Variants in MSANTD5 observed in about 807,000 individuals in gnomAD.
MSANTD5 encodes uncharacterized protein MSANTD5.
the MSANTD5 span, among the ~76,000 whole-genome samples, chr5:178,705,053 CTTTT>C: frequency 6.8e-6 from 1 of 148,092 alleles, no homozygotes; most frequent in Admixed American, 6.7e-5. Flanking sequence ...TTCTTCTTTT[CTTTT>C]TTTTTTTTTG....
At chr5:178,705,507 G>A in the MSANTD5 span, among the ~76,000 whole-genome samples, 2,178 of 152,250 alleles carry the variant, frequency 0.014, 53 homozygotes, top group African/African-American at 0.05. Flanking sequence ...CTGATGATTA[G>A]CTTAAGGATT....
chr5:178,705,882 G>C, the MSANTD5 span, among the ~76,000 whole-genome samples: 1 of 151,578 alleles, frequency 6.6e-6, no homozygotes, highest in Non-Finnish European at 1.5e-5. Context: ...GCGTGAACCC[G>C]GGAGGCAGAG....
chr5:178,698,791 A>G (rs1201945608), upstream of MSANTD5, among the ~76,000 whole-genome samples: 1 of 126,242 alleles, frequency 7.9e-6, no homozygotes, highest in African/African-American at 3.2e-5. Flanking sequence ...GGGTCTCACT[A>G]CGTTGCTCAG....
downstream of MSANTD5, among the ~76,000 whole-genome samples, chr5:178,693,880 C>T (rs1008921846): frequency 1.3e-5 from 2 of 152,062 alleles, no homozygotes; most frequent in Non-Finnish European, 2.9e-5. Flanking sequence ...GGATTCACCT[C>T]TCAATGAGAC....
At chr5:178,699,862 C>A (rs1269833617), upstream of MSANTD5, among the ~76,000 whole-genome samples, 1 of 152,144 alleles carries the variant, frequency 6.6e-6, no homozygotes, top group African/African-American at 2.4e-5. Flanking sequence ...ATGCACCAAG[C>A]CTGTTTCTGT....
rs1258933366 is a variant in MSANTD5 at position 178,697,273 on chromosome 5, TG to T, written c.6+312del. Among the ~76,000 whole-genome samples, 5 of 149,908 alleles carry T rather than the reference TG, an allele frequency of 3.3e-5. No individual in the cohort carries two copies. In the South Asian group the frequency reaches 1.0e-3, roughly 31 times the overall value. On this transcript the variant is annotated intron_variant, in intron 1 of 3. Transcript: ENST00000648368. ...ATCGAGACCATCCTGGCTAACACGG[TG>T]AAACCCCGTCTCTACTAAAAATACA...
chr5:178,694,116 A>G (rs1337649139), downstream of MSANTD5, among the ~76,000 whole-genome samples: 1 of 151,886 alleles, frequency 6.6e-6, no homozygotes, highest in African/African-American at 2.4e-5. Flanking sequence ...CAGGAGTTCA[A>G]GACCAGCCTG....
chr5:178,705,603 C>T, the MSANTD5 span, among the ~76,000 whole-genome samples: 1 of 152,160 alleles, frequency 6.6e-6, no homozygotes, highest in Admixed American at 6.5e-5. Flanking sequence ...GGTGTGACTG[C>T]CTTCAACTTG....
At chr5:178,694,412 C>G (rs750581001), downstream of MSANTD5, among the ~76,000 whole-genome samples, 2 of 150,544 alleles carry the variant, frequency 1.3e-5, no homozygotes, top group Admixed American at 6.6e-5. Context: ...TTATCCCTTA[C>G]TACAAAGGAG....
chr5:178,693,924 CAG>C (rs1765382860), downstream of MSANTD5, among the ~76,000 whole-genome samples: 1 of 152,026 alleles, frequency 6.6e-6, no homozygotes, highest in African/African-American at 2.4e-5. Context: ...ACTTAACACA[CAG>C]TGATTATGCC....
chr5:178,703,849 C>T, the MSANTD5 span, among the ~76,000 whole-genome samples: 2 of 151,744 alleles, frequency 1.3e-5, no homozygotes, highest in Non-Finnish European at 2.9e-5. Flanking sequence ...GGCATGGTGG[C>T]GCGTGCCCAT....
At chr5:178,693,409 C>G (rs567269733), downstream of MSANTD5, among the ~76,000 whole-genome samples, 7 of 152,074 alleles carry the variant, frequency 4.6e-5, no homozygotes, top group African/African-American at 1.7e-4. Context: ...CGGTGAGTGT[C>G]ACAGCTCTTA....
chr5:178,702,022 C>T (rs1423402161), upstream of MSANTD5, among the ~76,000 whole-genome samples: 3 of 150,342 alleles, frequency 2.0e-5, no homozygotes, highest in South Asian at 2.1e-4. Flanking sequence ...CGTGAGCCAC[C>T]GCGCCCGGCC....
At chr5:178,703,496 T>C in the MSANTD5 span, among the ~76,000 whole-genome samples, 3 of 152,234 alleles carry the variant, frequency 2.0e-5, no homozygotes, top group Non-Finnish European at 4.4e-5. Context: ...AATTTCATCA[T>C]GGCTTGGAGC....
At chr5:178,702,896 C>T in the MSANTD5 span, among the ~76,000 whole-genome samples, 1 of 152,144 alleles carries the variant, frequency 6.6e-6, no homozygotes, top group African/African-American at 2.4e-5. Context: ...TGTGCCTGGC[C>T]CATGTCAATT....
At chr5:178,698,631 G>T (rs1182013796), upstream of MSANTD5, among the ~76,000 whole-genome samples, 1 of 152,054 alleles carries the variant, frequency 6.6e-6, no homozygotes, top group East Asian at 1.9e-4. Flanking sequence ...CCAGGCTGGG[G>T]TGCAGTGGCG....
upstream of MSANTD5, among the ~76,000 whole-genome samples, chr5:178,702,328 T>C (rs1257745995): frequency 6.9e-6 from 1 of 144,642 alleles, no homozygotes; most frequent in African/African-American, 2.6e-5. Context: ...TGACATGGAG[T>C]CTCTCTCTGT....
At chr5:178,704,069 A>G in the MSANTD5 span, among the ~76,000 whole-genome samples, 1 of 152,152 alleles carries the variant, frequency 6.6e-6, no homozygotes, top group African/African-American at 2.4e-5. Context: ...ATATGAATGT[A>G]GTAAATTATC....
the MSANTD5 span, among the ~76,000 whole-genome samples, chr5:178,703,645 A>G: frequency 6.6e-6 from 1 of 152,078 alleles, no homozygotes; most frequent in African/African-American, 2.4e-5. Context: ...TATATTTCAA[A>G]ATAGCTATGA....
Sources: allele counts gnomAD v4.1 joint callset (sites outside exome capture counted in the v4.1 genomes callset), GRCh38; gene constraint gnomAD v4.1.1; transcripts MANE v1.5; gene names NCBI Gene and HGNC (gene_info 2026-07-23, HGNC 2026-07-21).